The following KCNH7 variants were observed in gnomAD, a reference collection of about 807,000 sequenced individuals.
KCNH7 encodes the protein voltage-gated inwardly rectifying potassium channel KCNH7.
A neutral mutation model predicts 120.8 loss-of-function variants in KCNH7; 49 were observed. The ratio of observed to expected loss-of-function variants is 0.41; its 90% CI spans 0.32 to 0.51. The LOEUF (loss-of-function observed/expected upper bound fraction) is 0.51, where lower values mean the gene tolerates loss of function less well. Ranked by LOEUF, KCNH7 falls within the 20% of genes least tolerant of loss-of-function variation. KCNH7 has a pLI of 0.38. For synonymous variants in KCNH7, 547 were observed against 516.1 expected, an observed-to-expected ratio of 1.06 and a Z score of -0.81; for missense variants, 1,097 against 1,446.6, an observed-to-expected ratio of 0.76 and a Z score of 3.92.
Position 162,567,872 on chromosome 2 carries a change from A to G in KCNH7, c.308-30792T>C, listed in dbSNP as rs918810941. 2.6e-5 allele frequency among the ~76,000 whole-genome samples: 4 copies of G among 152,038 alleles called. No individual in the cohort carries two copies. In the East Asian group the frequency reaches 5.8e-4, roughly 22 times the overall value. ...GATGGTGGTCCCATAAGATTATAAT[A>G]CCATATTTTTACTGCACATTTTCTA... On this transcript the variant is annotated intron_variant, in intron 2 of 15. Transcript: ENST00000332142.
At chr2:162,603,826 G>C (rs1204077623) in intron 2 of KCNH7, among the ~76,000 whole-genome samples, 2 of 151,850 alleles carry the variant, frequency 1.3e-5, no homozygotes, top group Admixed American at 6.6e-5. Flanking sequence ...AAATTCAAAG[G>C]CTAGCTTACT....
chr2:162,539,781 C>T (rs560816325), intron 2 of KCNH7, among the ~76,000 whole-genome samples: 64 of 152,186 alleles, frequency 4.2e-4, no homozygotes, highest in African/African-American at 1.5e-3. Context: ...CTCACATTCA[C>T]ATACTTTTCT....
At chr2:162,626,947 T>C (rs1683582571) in intron 2 of KCNH7, among the ~76,000 whole-genome samples, 2 of 152,196 alleles carry the variant, frequency 1.3e-5, no homozygotes, top group African/African-American at 2.4e-5. Flanking sequence ...GATAAGAATT[T>C]TAAAAACATG....
chr2:162,611,357 G>A (rs757170921), intron 2 of KCNH7, among the ~76,000 whole-genome samples: 1 of 152,172 alleles, frequency 6.6e-6, no homozygotes, highest in Non-Finnish European at 1.5e-5. Context: ...CGTGACATAA[G>A]TAGCCACATA....
chr2:162,822,962 G>A (rs1416754665), intron 2 of KCNH7, among the ~76,000 whole-genome samples: 1 of 152,168 alleles, frequency 6.6e-6, no homozygotes, highest in African/African-American at 2.4e-5. Flanking sequence ...ACATTTAAAT[G>A]CCTAAAATCC....
chr2:162,423,723 G>T (rs1412724342), intron 8 of KCNH7, among the ~76,000 whole-genome samples, 188 bp from the exon 9 acceptor site: 1 of 152,102 alleles, frequency 6.6e-6, no homozygotes, highest in Non-Finnish European at 1.5e-5. Context: ...AAGCTGGAGA[G>T]GGAAAGTATC....
chr2:162,608,449 T>C (rs1682853344), intron 2 of KCNH7, among the ~76,000 whole-genome samples: 2 of 152,234 alleles, frequency 1.3e-5, no homozygotes, highest in Non-Finnish European at 2.9e-5. Flanking sequence ...GCCATTTCTC[T>C]GATTTTCTAA....
intron 2 of KCNH7, among the ~76,000 whole-genome samples, chr2:162,749,738 A>C (rs1688474956): frequency 6.6e-6 from 1 of 152,204 alleles, no homozygotes; most frequent in Non-Finnish European, 1.5e-5. Flanking sequence ...TAATACCAAA[A>C]GCAATACATC....
chr2:162,537,274 A>G (rs1692141913), intron 2 of KCNH7, among the ~76,000 whole-genome samples, 194 bp from the exon 3 acceptor site: 1 of 152,056 alleles, frequency 6.6e-6, no homozygotes, highest in Non-Finnish European at 1.5e-5. Context: ...GTCTTTCCAG[A>G]AAAACGTTAC....
intron 6 of KCNH7, among the ~76,000 whole-genome samples, chr2:162,491,958 C>T (rs183816296): frequency 1.7e-4 from 26 of 152,148 alleles, no homozygotes; most frequent in African/African-American, 5.3e-4. Context: ...CAGGACACTT[C>T]CCTTAGATGC....
chr2:162,811,306 G>T (rs1287553541), intron 2 of KCNH7, among the ~76,000 whole-genome samples: 1 of 152,128 alleles, frequency 6.6e-6, no homozygotes, highest in Non-Finnish European at 1.5e-5. Flanking sequence ...AGAAAGGATT[G>T]TATTTGAAAA....
intron 2 of KCNH7, among the ~76,000 whole-genome samples, chr2:162,652,596 C>T (rs1171891649): frequency 1.3e-5 from 2 of 152,154 alleles, no homozygotes; most frequent in Non-Finnish European, 2.9e-5. Context: ...GAATCTAATG[C>T]CACCACTGAT....
intron 2 of KCNH7, among the ~76,000 whole-genome samples, chr2:162,744,832 C>T (rs1016102807): frequency 9.2e-5 from 14 of 152,156 alleles, no homozygotes; most frequent in Non-Finnish European, 1.9e-4. Context: ...CTCGGCCTCC[C>T]AAAGTGCTGG....
intron 12 of KCNH7, among the ~76,000 whole-genome samples, chr2:162,390,271 T>C (rs1439066269): frequency 1.3e-5 from 2 of 149,918 alleles, no homozygotes; most frequent in Admixed American, 6.8e-5. Context: ...CACACACACA[T>C]ATTTATATAT....
chr2:162,625,521 C>A (rs1683521672), intron 2 of KCNH7, among the ~76,000 whole-genome samples: 1 of 152,098 alleles, frequency 6.6e-6, no homozygotes, highest in South Asian at 2.1e-4. Context: ...CTGCTTTAGG[C>A]AGCATCAGGG....
At chr2:162,439,559 T>A (rs546865232) in intron 7 of KCNH7, among the ~76,000 whole-genome samples, 26 of 152,226 alleles carry the variant, frequency 1.7e-4, no homozygotes, top group African/African-American at 6.3e-4. Flanking sequence ...TTCCAACTCT[T>A]TTTTCCAAAA....
At chr2:162,475,637 A>G (rs575894463) in intron 6 of KCNH7, among the ~76,000 whole-genome samples, 2 of 152,328 alleles carry the variant, frequency 1.3e-5, no homozygotes, top group South Asian at 4.1e-4. Context: ...TTCACGATAT[A>G]GGATATTTAT....
chr2:162,451,419 T>G (rs1337379233), intron 6 of KCNH7, among the ~76,000 whole-genome samples: 1 of 152,108 alleles, frequency 6.6e-6, no homozygotes, highest in Non-Finnish European at 1.5e-5. Flanking sequence ...GTTTTAGTTA[T>G]CTATTCCTTG....
chr2:162,691,654 T>C (rs1433484451), intron 2 of KCNH7, among the ~76,000 whole-genome samples: 1 of 152,154 alleles, frequency 6.6e-6, no homozygotes, highest in East Asian at 1.9e-4. Context: ...TAAGAGGTTA[T>C]ATTTTCCACA....
Sources: allele counts gnomAD v4.1 joint callset (sites outside exome capture counted in the v4.1 genomes callset), GRCh38; gene constraint gnomAD v4.1.1; transcripts MANE v1.5; gene names NCBI Gene and HGNC (gene_info 2026-07-23, HGNC 2026-07-21).